Variants in DCAF4 observed in about 807,000 individuals in gnomAD.
DCAF4 encodes DDB1 and CUL4 associated factor 4, also known as DDB1- and CUL4-associated factor 4.
In DCAF4, 37 loss-of-function variants were observed where a neutral mutation model predicts 60.9. The observed-to-expected ratio is 0.61, with a 90% CI of 0.47 to 0.80. The LOEUF is 0.80. Among genes scored for constraint, DCAF4 ranks in the 30% least tolerant of loss-of-function variants. The pLI is 0.00. For synonymous variants in DCAF4, 243 were observed against 254.8 expected (o/e 0.95, Z 0.44); for missense variants, 577 against 650.0 (o/e 0.89, Z 1.22).
In DCAF4 at chr14:72,948,667, G is replaced by T. The variant is rs1198233878; in HGVS notation, c.728+1476G>T. On this transcript the variant is annotated intron_variant, in intron 8 of 13. Transcript: ENST00000358377. ...GTAATTGGACTTAAAGGGATGGATG[G>T]TCTGTTGTAGCTTCATCAGTGGCTC... 2.0e-5 allele frequency among the ~76,000 whole-genome samples: 3 copies of T among 152,234 alleles called. No individual in the cohort carries two copies. In the East Asian group the frequency reaches 5.8e-4, roughly 29 times the overall value.
At chr14:72,943,148 C>G (rs1345969114) in intron 6 of DCAF4, 52 bp downstream of exon 6, 3 of 1,543,426 alleles carry the variant, frequency 1.9e-6, no homozygotes, top group South Asian at 1.1e-5. Flanking sequence ...CCTCTGGACA[C>G]TTTGTGGCTT....
intron 8 of DCAF4, among the ~76,000 whole-genome samples, chr14:72,947,464 C>A (rs1278947964): frequency 6.6e-6 from 1 of 152,230 alleles, no homozygotes; most frequent in Non-Finnish European, 1.5e-5. Context: ...CCTTCACATG[C>A]ATGTGGTGGA....
At chr14:72,930,430 A>G (rs1346469100) in intron 1 of DCAF4, among the ~76,000 whole-genome samples, 1 of 151,710 alleles carries the variant, frequency 6.6e-6, no homozygotes, top group Non-Finnish European at 1.5e-5. Flanking sequence ...CACCACACCG[A>G]GCTGATTTTT....
At chr14:72,945,853 A>T (rs1015039409) in intron 6 of DCAF4, 31 bp from the exon 7 acceptor site, 1 of 1,613,602 alleles carries the variant, frequency 6.2e-7, no homozygotes, top group African/African-American at 1.3e-5. Flanking sequence ...GCAGCCTGGG[A>T]CGTCACCCAC....
intron 8 of DCAF4, 48 bp from the exon 9 acceptor site, chr14:72,951,750 T>A (rs757189324): frequency 6.8e-5 from 108 of 1,589,864 alleles, no homozygotes; most frequent in Non-Finnish European, 9.1e-5. Context: ...CCATGCCTCC[T>A]CCCAGAGGGG....
intron 11 of DCAF4, 89 bp from the exon 12 acceptor site, chr14:72,955,434 G>T: frequency 1.3e-6 from 2 of 1,482,592 alleles, no homozygotes. Flanking sequence ...CCAGAGGCTG[G>T]AAGAGGGGTT....
chr14:72,942,240 T>TA (rs1890131679), intron 5 of DCAF4: 1 of 164,656 alleles, frequency 6.1e-6, no homozygotes, highest in South Asian at 1.9e-4. Flanking sequence ...TGATGGCTGA[T>TA]ACAATTCTAA....
Position 72,942,933 on chromosome 14 carries a change from C to T in DCAF4, c.432-61C>T, listed in dbSNP as rs73309968. The T allele has an allele frequency of 4.3e-3, 6,635 of 1,528,328 alleles. 246 individuals are homozygous for T. The African/African-American group carries it at 0.082, about 19-fold the overall frequency. 94.7% of individuals were successfully genotyped at this position (1,528,328 alleles called of 1,614,324 possible). ...AGCGGGGCAGGGAAGGCCAGAGACC[C>T]CCGAATCTTCTTCATGGATGTCAGC... On this transcript the variant is annotated intron_variant, in intron 5 of 13. Coordinates refer to ENST00000358377, the MANE Select transcript of DCAF4 (RefSeq NM_015604.4).
At chr14:72,941,874 G>A (rs1337331960) in intron 5 of DCAF4, 50 bp downstream of exon 5, 1 of 1,584,556 alleles carries the variant, frequency 6.3e-7, no homozygotes, top group African/African-American at 1.3e-5. Context: ...TTCTTTTCCT[G>A]TTTCTTATTT....
intron 6 of DCAF4, among the ~76,000 whole-genome samples, chr14:72,943,913 C>A (rs2535914): frequency 6.6e-6 from 1 of 151,944 alleles, no homozygotes; most frequent in East Asian, 1.9e-4. Context: ...CCCAGGAGAC[C>A]GCCACAGCAG....
In DCAF4 at chr14:72,931,406, T is replaced by G. The variant is rs536795003; in HGVS notation, c.-9+4863T>G. Among the ~76,000 whole-genome samples the G allele has an allele frequency of 2.6e-5, 4 of 152,278 alleles. No homozygotes were observed. The South Asian group carries it at 8.3e-4, about 32-fold the overall frequency. ...CAGTGTATAGAAATACAACTGGTTTTTCTATATTGATCTTGTATCCTGCAA... is the reference window on the plus strand; with the variant it reads ...CAGTGTATAGAAATACAACTGGTTTGTCTATATTGATCTTGTATCCTGCAA... On this transcript the variant is annotated intron_variant, in intron 1 of 13. Transcript: ENST00000358377.
At chr14:72,947,863 C>T (rs1015899378) in intron 8 of DCAF4, among the ~76,000 whole-genome samples, 3 of 152,154 alleles carry the variant, frequency 2.0e-5, no homozygotes, top group Non-Finnish European at 4.4e-5. Flanking sequence ...GCTGAGAGCA[C>T]GGTAGTACAG....
At chr14:72,927,507 T>A (rs1011111161) in intron 1 of DCAF4, among the ~76,000 whole-genome samples, 1 of 152,000 alleles carries the variant, frequency 6.6e-6, no homozygotes, top group Non-Finnish European at 1.5e-5. Flanking sequence ...GACCACCACC[T>A]CGCCCGGCTA....
chr14:72,933,809 A>G (rs1409644781), intron 1 of DCAF4, among the ~76,000 whole-genome samples: 2 of 152,128 alleles, frequency 1.3e-5, no homozygotes, highest in East Asian at 3.9e-4. Context: ...TGACTCTACC[A>G]GTTATTCACT....
chr14:72,940,194 G>A, intron 3 of DCAF4, 26 bp from the exon 4 acceptor site: 2 of 1,613,578 alleles, frequency 1.2e-6, no homozygotes, highest in South Asian at 1.1e-5. Context: ...GGTTGAAATT[G>A]GTGCATTTAA....
At chr14:72,945,434 A>G (rs572210538) in intron 6 of DCAF4, among the ~76,000 whole-genome samples, 13 of 151,250 alleles carry the variant, frequency 8.6e-5, no homozygotes, top group African/African-American at 3.2e-4. Context: ...GTCTTTTTCT[A>G]TTGCACGTTT....
intron 8 of DCAF4, 84 bp downstream of exon 8, chr14:72,947,275 C>A: frequency 6.8e-7 from 1 of 1,475,720 alleles, no homozygotes; most frequent in South Asian, 1.1e-5. Flanking sequence ...CATGACATGG[C>A]ATCTTAGTGA....
At chr14:72,952,982 A>G (rs1302280673) in intron 9 of DCAF4, among the ~76,000 whole-genome samples, 2 of 119,734 alleles carry the variant, frequency 1.7e-5, no homozygotes, top group African/African-American at 3.1e-5. Context: ...TGTGAGCCAC[A>G]ATGCCCGGCC....
intron 1 of DCAF4, among the ~76,000 whole-genome samples, chr14:72,934,750 A>G (rs1184659219): frequency 3.3e-5 from 5 of 152,106 alleles, no homozygotes; most frequent in Admixed American, 6.6e-5. Flanking sequence ...TCTGTCTCCC[A>G]TATTAAACAA....
Sources: allele counts gnomAD v4.1 joint callset (sites outside exome capture counted in the v4.1 genomes callset), GRCh38; gene constraint gnomAD v4.1.1; transcripts MANE v1.5; gene names NCBI Gene and HGNC (gene_info 2026-07-23, HGNC 2026-07-21).